CHL1: variants seen among roughly 807,000 people sequenced by gnomAD.
The protein encoded by CHL1 is cell adhesion molecule L1 like.
In CHL1, 96 loss-of-function variants were observed where a neutral mutation model predicts 141.9. The ratio of observed to expected loss-of-function variants is 0.68; its 90% confidence interval spans 0.57 to 0.80. The LOEUF (loss-of-function observed/expected upper bound fraction) is 0.80. CHL1 is among the 30% of genes least tolerant of loss of function. CHL1 has a pLI of 0.00. For synonymous variants in CHL1, 613 were observed against 502.2 expected (o/e 1.22, Z -2.95); for missense variants, 1,820 against 1,457.2 (o/e 1.25, Z -4.05).
intron 15 of CHL1, chr3:376,361 C>A: frequency 2.0e-6 from 1 of 512,480 alleles, no homozygotes; most frequent in South Asian, 1.4e-5. Flanking sequence ...GCCCTTGCCC[C>A]ATCTCCAAAT....
chr3:280,498 G>T (rs572472844), intron 2 of CHL1, among the ~76,000 whole-genome samples: 25 of 152,236 alleles, frequency 1.6e-4, no homozygotes, highest in South Asian at 4.1e-4. Context: ...GAATAATTTA[G>T]ATAAGAATTA....
At chr3:389,109 C>G (rs1357802557) in intron 19 of CHL1, 143 bp from the exon 20 acceptor site, 1 of 710,194 alleles carries the variant, frequency 1.4e-6, no homozygotes, top group Non-Finnish European at 2.3e-6. Flanking sequence ...ACAACTGTCT[C>G]TAAACCAAGA....
chr3:336,870 T>C (rs1033408768), intron 5 of CHL1, among the ~76,000 whole-genome samples: 2 of 152,190 alleles, frequency 1.3e-5, no homozygotes, highest in East Asian at 3.9e-4. Context: ...GCCTTGATAG[T>C]TGTGGTAATA....
chr3:227,912 A>G (rs1574776011), intron 1 of CHL1, among the ~76,000 whole-genome samples: 2 of 152,216 alleles, frequency 1.3e-5, no homozygotes, highest in East Asian at 3.8e-4. Context: ...AGATGATAAC[A>G]GCACTCGTCT....
intron 2 of CHL1, among the ~76,000 whole-genome samples, chr3:309,587 C>T (rs545034142): frequency 6.6e-6 from 1 of 151,768 alleles, no homozygotes; most frequent in Admixed American, 6.6e-5. Flanking sequence ...ATAGCTCACT[C>T]TAGCCCGAAA....
chr3:304,504 C>G (rs988995177), intron 2 of CHL1, among the ~76,000 whole-genome samples: 2 of 152,168 alleles, frequency 1.3e-5, no homozygotes, highest in South Asian at 2.1e-4. Flanking sequence ...TCCATTTCTT[C>G]TAGATTTTCT....
At chr3:380,572 TTTAC>T in intron 16 of CHL1, among the ~76,000 whole-genome samples, 1 of 152,350 alleles carries the variant, frequency 6.6e-6, no homozygotes, top group South Asian at 2.1e-4. Context: ...TTTGTGATCA[TTTAC>T]TTACTTAATT....
intron 2 of CHL1, chr3:309,385 T>TTCCTTCC (rs565254515): frequency 1.4e-5 from 2 of 141,030 alleles, no homozygotes; most frequent in Non-Finnish European, 3.2e-5. Context: ...CCTTCCTTCC[T>TTCCTTCC]TCCTTCCTCC....
chr3:219,606 A>G (rs952243437), intron 1 of CHL1, among the ~76,000 whole-genome samples: 20 of 152,208 alleles, frequency 1.3e-4, no homozygotes, highest in African/African-American at 4.8e-4. Context: ...AGGAAAACCA[A>G]ATACTGCATG....
chr3:266,146 C>T (rs1205524427), intron 2 of CHL1, among the ~76,000 whole-genome samples: 1 of 152,122 alleles, frequency 6.6e-6, no homozygotes, highest in Non-Finnish European at 1.5e-5. Flanking sequence ...CTTTCTTGCA[C>T]TTTGAAGGAT....
intron 19 of CHL1, among the ~76,000 whole-genome samples, chr3:388,855 T>C (rs926347829): frequency 2.0e-5 from 3 of 152,340 alleles, no homozygotes; most frequent in Non-Finnish European, 4.4e-5. Context: ...AACCAAAGAA[T>C]TCGTGGCCAT....
intron 2 of CHL1, among the ~76,000 whole-genome samples, chr3:281,805 T>C (rs1463711867): frequency 9.9e-5 from 15 of 152,014 alleles, no homozygotes; most frequent in Non-Finnish European, 2.1e-4. Flanking sequence ...AGTGATCTGC[T>C]TGCCTTGGCC....
At chr3:344,467 AC>A in intron 8 of CHL1, 121 bp from the exon 9 acceptor site, 1 of 200,018 alleles carries the variant, frequency 5.0e-6, no homozygotes, top group South Asian at 6.3e-5. Flanking sequence ...TGTGTATAGA[AC>A]ACACACACAC....
At chr3:321,686 AG>A (rs1249186927) in intron 3 of CHL1, among the ~76,000 whole-genome samples, 1 of 152,074 alleles carries the variant, frequency 6.6e-6, no homozygotes, top group Non-Finnish European at 1.5e-5. Context: ...TGGTTGTCTC[AG>A]TTACTTATGC....
chr3:321,668 T>G (rs1048380337), intron 3 of CHL1, among the ~76,000 whole-genome samples: 1 of 152,238 alleles, frequency 6.6e-6, no homozygotes, highest in Non-Finnish European at 1.5e-5. Context: ...TGGCCCACAT[T>G]TTTATTCTGG....
At chr3:204,243 T>G (rs1319178737) in intron 1 of CHL1, among the ~76,000 whole-genome samples, 1 of 152,218 alleles carries the variant, frequency 6.6e-6, no homozygotes, top group African/African-American at 2.4e-5. Context: ...TAGCAGAGGT[T>G]CCTCCCTAAC....
chr3:270,227 A>C (rs1695518498), intron 2 of CHL1, among the ~76,000 whole-genome samples: 1 of 141,492 alleles, frequency 7.1e-6, no homozygotes, highest in Non-Finnish European at 1.6e-5. Flanking sequence ...GGGAAAGGAG[A>C]ATTTGGCAAA....
intron 5 of CHL1, among the ~76,000 whole-genome samples, chr3:330,371 T>C (rs982527938): frequency 2.7e-4 from 41 of 151,982 alleles, no homozygotes; most frequent in African/African-American, 8.9e-4. Flanking sequence ...TAAAGACATA[T>C]TAGAAAAACA....
chr3:356,431 G>A (rs1438452015), intron 11 of CHL1, among the ~76,000 whole-genome samples: 2 of 152,150 alleles, frequency 1.3e-5, no homozygotes, highest in African/African-American at 2.4e-5. Flanking sequence ...TACTTTCTAT[G>A]TTCCCGGCAC....
Sources: gnomAD v4.1 joint callset for allele counts (sites outside exome capture counted in the v4.1 genomes callset) on GRCh38, gnomAD v4.1.1 for gene constraint, MANE v1.5 for transcripts, NCBI Gene and HGNC (gene_info 2026-07-23, HGNC 2026-07-21) for gene names.